MKLN1: variants seen among roughly 807,000 people sequenced by gnomAD.
The protein encoded by MKLN1 is muskelin.
A neutral mutation model predicts 99.0 loss-of-function variants in MKLN1; 18 were observed. That is an observed-to-expected ratio of 0.18 (90% CI 0.13 to 0.27). MKLN1 has a LOEUF of 0.27. Ranked by LOEUF, MKLN1 falls within the 10% of genes least tolerant of loss-of-function variation. MKLN1 has a pLI of 1.00. For synonymous variants in MKLN1, 288 were observed against 293.2 expected (o/e 0.98, Z 0.18); for missense variants, 621 against 875.9 (o/e 0.71, Z 3.67).
chr7:131,174,065 C>T (rs371126875), intron 2 of MKLN1, among the ~76,000 whole-genome samples: 2 of 151,400 alleles, frequency 1.3e-5, no homozygotes, highest in South Asian at 2.1e-4. Flanking sequence ...CTCTGCCTCC[C>T]GGGTTCACGC....
chr7:131,153,664 G>GTTTTT lies in MKLN1; in HGVS notation c.-297+10735_-297+10739dup, dbSNP rs11464377. On this transcript the variant is annotated intron_variant, in intron 2 of 7. Coordinates refer to the MKLN1 transcript ENST00000416992. ...ACAAAATGAAAGTAGGTTTTTTTTG[G>GTTTTT]TTTTTTTTTTTTTTTTGAGAAGGAG... is the stretch of plus-strand genomic sequence containing the variant. Among the ~76,000 whole-genome samples the GTTTTT allele has an allele frequency of 7.6e-4, 106 of 139,496 alleles. 3 individuals are homozygous for GTTTTT. The highest frequency in any genetic ancestry group is 2.1e-3 in the African/African-American group (77 of 37,086). The allele number at this position is 139,496 out of a possible 152,430, so 91.5% of individuals were successfully genotyped here.
chr7:131,114,752 C>T (rs1311591351), intron 1 of MKLN1, among the ~76,000 whole-genome samples: 1 of 152,020 alleles, frequency 6.6e-6, no homozygotes, highest in African/African-American at 2.4e-5. Context: ...TCGAGACCAG[C>T]CTGGCCAATA....
At chr7:131,389,060 C>CTT (rs1794117098) in intron 4 of MKLN1, 88 bp downstream of exon 4, 1 of 737,740 alleles carries the variant, frequency 1.4e-6, no homozygotes, top group East Asian at 2.9e-5. Flanking sequence ...CTGCAGGCCT[C>CTT]TTGTTTTTTT....
intron 2 of MKLN1, among the ~76,000 whole-genome samples, chr7:131,181,505 C>G (rs1008610471): frequency 6.6e-6 from 1 of 151,950 alleles, no homozygotes; most frequent in Admixed American, 6.6e-5. Flanking sequence ...GCCAGGTGTT[C>G]GAGACCAGCT....
At chr7:131,453,330 A>G (rs1243475750) in intron 12 of MKLN1, among the ~76,000 whole-genome samples, 2 of 152,234 alleles carry the variant, frequency 1.3e-5, no homozygotes, top group Non-Finnish European at 2.9e-5. Context: ...TAATGGGATG[A>G]AATAGAGCAG....
chr7:131,303,099 C>CA (rs1798399327), intron 3 of MKLN1, among the ~76,000 whole-genome samples: 2 of 151,864 alleles, frequency 1.3e-5, no homozygotes, highest in African/African-American at 2.4e-5. Context: ...AAAGTGTTTA[C>CA]AAAAAAAACT....
At chr7:131,254,374 C>A (rs1228707931) in intron 3 of MKLN1, among the ~76,000 whole-genome samples, 3 of 151,982 alleles carry the variant, frequency 2.0e-5, no homozygotes, top group Non-Finnish European at 4.4e-5. Flanking sequence ...AACAAAAATA[C>A]GAGACATTCA....
At chr7:131,218,538 G>T (rs1328373998) in intron 3 of MKLN1, among the ~76,000 whole-genome samples, 1 of 152,224 alleles carries the variant, frequency 6.6e-6, no homozygotes, top group East Asian at 1.9e-4. Flanking sequence ...AAGTTAGCCT[G>T]TGAGGTTAAA....
intron 12 of MKLN1, among the ~76,000 whole-genome samples, chr7:131,446,635 C>T (rs1384847255): frequency 2.6e-5 from 4 of 152,136 alleles, no homozygotes; most frequent in Admixed American, 6.6e-5. Flanking sequence ...TGGATAAAAG[C>T]ACTTGTTTCA....
intron 17 of MKLN1, among the ~76,000 whole-genome samples, chr7:131,482,076 G>GTT (rs1797139485): frequency 1.3e-5 from 2 of 152,160 alleles, no homozygotes; most frequent in African/African-American, 4.8e-5. Context: ...ACTTTGCTAA[G>GTT]TTTAAGAGCT....
intron 2 of MKLN1, among the ~76,000 whole-genome samples, chr7:131,157,744 AG>A (rs1795990494): frequency 6.6e-6 from 1 of 152,154 alleles, no homozygotes; most frequent in Non-Finnish European, 1.5e-5. Flanking sequence ...TTTTCCTAAC[AG>A]AAGAGAGCAG....
chr7:131,183,908 CT>C (rs751626109), intron 2 of MKLN1, among the ~76,000 whole-genome samples: 4 of 151,896 alleles, frequency 2.6e-5, no homozygotes, highest in Admixed American at 6.6e-5. Flanking sequence ...GGAACCAGTC[CT>C]GGCCCTGGTA....
chr7:131,349,256 C>T (rs1799650413), intron 1 of MKLN1, among the ~76,000 whole-genome samples: 1 of 151,160 alleles, frequency 6.6e-6, no homozygotes, highest in African/African-American at 2.4e-5. Context: ...AGTACAGTGG[C>T]ACGATCTCGG....
At chr7:131,246,011 C>G (rs751857139) in intron 3 of MKLN1, among the ~76,000 whole-genome samples, 7 of 152,214 alleles carry the variant, frequency 4.6e-5, no homozygotes, top group Non-Finnish European at 1.5e-5. Context: ...TGCCCTAGGG[C>G]CGCACTTCTG....
intron 8 of MKLN1, among the ~76,000 whole-genome samples, chr7:131,419,317 C>T (rs181059132): frequency 0.04 from 5,453 of 137,468 alleles, 137 homozygotes; most frequent in Middle Eastern, 0.11. Flanking sequence ...GTGGCATGAT[C>T]TCGGCTCACT....
At chr7:131,410,967 G>A (rs1221640895) in intron 6 of MKLN1, among the ~76,000 whole-genome samples, 1 of 151,806 alleles carries the variant, frequency 6.6e-6, no homozygotes, top group Non-Finnish European at 1.5e-5. Flanking sequence ...CTTCTTTCAA[G>A]GTCTCTAACC....
At chr7:131,126,934 G>A (rs1795470405) in intron 1 of MKLN1, among the ~76,000 whole-genome samples, 1 of 152,136 alleles carries the variant, frequency 6.6e-6, no homozygotes, top group Admixed American at 6.5e-5. Flanking sequence ...GGGAGGCTGA[G>A]GTGGGCAGTT....
At chr7:131,147,731 A>G (rs1011513374) in intron 2 of MKLN1, among the ~76,000 whole-genome samples, 7 of 152,196 alleles carry the variant, frequency 4.6e-5, no homozygotes, top group African/African-American at 1.7e-4. Context: ...GCAGGCAGAC[A>G]CTGATCCACT....
chr7:131,184,653 T>C (rs1303311636), intron 2 of MKLN1, among the ~76,000 whole-genome samples: 2 of 152,092 alleles, frequency 1.3e-5, no homozygotes, highest in East Asian at 3.9e-4. Context: ...GCCTCCCAAG[T>C]AGCTGGGATT....
Sources: allele counts gnomAD v4.1 joint callset (sites outside exome capture counted in the v4.1 genomes callset), GRCh38; gene constraint gnomAD v4.1.1; transcripts MANE v1.5; gene names NCBI Gene and HGNC (gene_info 2026-07-23, HGNC 2026-07-21).